The following CLNK variants were observed in gnomAD, a reference collection of about 807,000 sequenced individuals.
CLNK encodes cytokine-dependent hematopoietic cell linker.
CLNK carries 74 observed loss-of-function variants against 68.6 expected under a neutral mutation model. The ratio of observed to expected loss-of-function variants is 1.08; its 90% CI spans 0.89 to 1.31. The LOEUF (loss-of-function observed/expected upper bound fraction) is 1.31. Ranked by LOEUF, CLNK falls within the 50% of genes most tolerant of loss-of-function variation. The pLI, the probability that CLNK is intolerant of heterozygous loss-of-function variation, is 0.00. For synonymous variants in CLNK, 198 were observed against 172.2 expected, an observed-to-expected ratio of 1.15 and a Z score of -1.17; for missense variants, 553 against 515.3, an observed-to-expected ratio of 1.07 and a Z score of -0.71.
chr4:10,557,678 C>T (rs1719730949), intron 8 of CLNK, among the ~76,000 whole-genome samples: 1 of 152,212 alleles, frequency 6.6e-6, no homozygotes, highest in South Asian at 2.1e-4. Context: ...TTTGAGTGTG[C>T]TGTCTATTCC....
chr4:10,668,581 G>C (rs1184541881), intron 1 of CLNK, among the ~76,000 whole-genome samples: 1 of 152,148 alleles, frequency 6.6e-6, no homozygotes, highest in East Asian at 1.9e-4. Context: ...TTAATAAAGA[G>C]ACCATTTAAA....
At chr4:10,554,983 C>T (rs531186134) in intron 8 of CLNK, among the ~76,000 whole-genome samples, 1 of 152,364 alleles carries the variant, frequency 6.6e-6, no homozygotes, top group Admixed American at 6.5e-5. Context: ...GGTCTTGTGA[C>T]TACTTGCTGA....
chr4:10,585,872 A>G (rs146913051), intron 3 of CLNK, among the ~76,000 whole-genome samples: 151 of 152,330 alleles, frequency 9.9e-4, no homozygotes, highest in African/African-American at 3.4e-3. Context: ...CAAAGTATTG[A>G]TTATCTACCT....
In CLNK at chr4:10,566,065, G is replaced by C. The variant is rs758713018; in HGVS notation, c.236C>G (p.Thr79Arg). The part of the protein sequence containing the change: ...YDDPELRMEE[T>R]WQSIKILPAR... ...TGGTAAAATTTTAATCGACTGCCATGTCTCTTCCATCCGAAGCTCAGGGTC... is the reference window on the plus strand; with the variant it reads ...TGGTAAAATTTTAATCGACTGCCATCTCTCTTCCATCCGAAGCTCAGGGTC... Residue 79 changes from threonine (T) to arginine (R), a missense_variant, in exon 6 of 19, where the codon ACA becomes AGA. By Grantham distance (71) the Thr-to-Arg change is moderately conservative. Transcript: ENST00000226951. 1.2e-5 allele frequency: 19 copies of C among 1,613,752 alleles called. No individual in the cohort carries two copies. The highest frequency in any genetic ancestry group is 2.7e-5 in the African/African-American group (2 of 74,882).
At chr4:10,541,233 A>T (rs1473179005) in intron 10 of CLNK, among the ~76,000 whole-genome samples, 1 of 150,132 alleles carries the variant, frequency 6.7e-6, no homozygotes, top group Non-Finnish European at 1.5e-5. Context: ...AAAAAAAAAA[A>T]AACCCAATAA....
At chr4:10,725,918 C>G in the CLNK span, among the ~76,000 whole-genome samples, 6 of 152,068 alleles carry the variant, frequency 3.9e-5, no homozygotes, top group South Asian at 1.2e-3. Flanking sequence ...TATTGCAGAT[C>G]TGTTAGTTTG....
intron 11 of CLNK, among the ~76,000 whole-genome samples, chr4:10,536,409 G>A (rs142671832): frequency 6.6e-6 from 1 of 152,276 alleles, no homozygotes; most frequent in African/African-American, 2.4e-5. Flanking sequence ...CCACCCATGT[G>A]GGCCCTGCTA....
At chr4:10,700,575 ACT>A in the CLNK span, among the ~76,000 whole-genome samples, 3 of 152,188 alleles carry the variant, frequency 2.0e-5, no homozygotes, top group African/African-American at 7.2e-5. Flanking sequence ...AGATAAGGAA[ACT>A]CAACACATAG....
rs367765940 is a variant in CLNK, at chr4:10,605,862, G to T, written c.12-7813C>A. Among the ~76,000 whole-genome samples the T allele has an allele frequency of 2.1e-5, 3 of 146,206 alleles. No homozygotes were observed. The East Asian group carries it at 6.0e-4, about 29-fold the overall frequency. On this transcript the variant is annotated intron_variant, in intron 2 of 18. Transcript: ENST00000226951. ...AAAAAATAGAAAAAAGAAAAGAAAA[G>T]AAAAGGAAGTGGTATACCTGTATAA...
intron 14 of CLNK, 43 bp downstream of exon 14, chr4:10,525,798 A>AGAAAGGATT (rs1163268560): frequency 8.6e-7 from 1 of 1,159,244 alleles, no homozygotes; most frequent in Non-Finnish European, 1.3e-6. Flanking sequence ...ACATGGCCTG[A>AGAAAGGATT]CCCCTCAGCC....
rs368662555 is a variant in CLNK at position 10,680,792 on chromosome 4, T to C, written c.-43+3876A>G. ...GTTAAATAACTTGTCTAAAACCATATTGCTAGGAAGTAACTGATTTCAAAC... is the reference window on the plus strand; with the variant it reads ...GTTAAATAACTTGTCTAAAACCATACTGCTAGGAAGTAACTGATTTCAAAC... On this transcript the variant is annotated intron_variant, in intron 1 of 18. Coordinates refer to ENST00000226951, the MANE Select transcript of CLNK (RefSeq NM_052964.4). Among the ~76,000 whole-genome samples the C allele has an allele frequency of 6.6e-5, 10 of 152,108 alleles. No homozygotes were observed. The East Asian group carries it at 1.7e-3, about 26-fold the overall frequency.
At chr4:10,624,593 GTTTTTTTTTTTT>G (rs10559473) in intron 2 of CLNK, among the ~76,000 whole-genome samples, 3 of 122,864 alleles carry the variant, frequency 2.4e-5, no homozygotes, top group Admixed American at 8.6e-5. Flanking sequence ...CGCCCGGCCA[GTTTTTTTTTTTT>G]TTTTTTTTTT....
the CLNK span, among the ~76,000 whole-genome samples, chr4:10,732,727 CA>C: frequency 0.076 from 9,967 of 130,316 alleles, 720 homozygotes; most frequent in African/African-American, 0.21. Flanking sequence ...ACTCGAGGAC[CA>C]AAAAAAAAAA....
chr4:10,637,425 A>C (rs1723131844), intron 2 of CLNK, among the ~76,000 whole-genome samples: 1 of 142,920 alleles, frequency 7.0e-6, no homozygotes, highest in Non-Finnish European at 1.5e-5. Context: ...TGTGATAAGC[A>C]ACAATAAAAA....
At chr4:10,513,639 G>C in intron 15 of CLNK, 42 bp from the exon 16 acceptor site, 1 of 1,551,022 alleles carries the variant, frequency 6.4e-7, no homozygotes, top group South Asian at 1.2e-5. Context: ...TTTTGTGACT[G>C]GTGCAGTCTG....
intron 5 of CLNK, among the ~76,000 whole-genome samples, chr4:10,569,017 G>T (rs2108826042): frequency 6.6e-6 from 1 of 152,250 alleles, no homozygotes; most frequent in Non-Finnish European, 1.5e-5. Flanking sequence ...CACAGTAAAA[G>T]CAACTGCAAT....
At chr4:10,595,386 A>G (rs541560231) in intron 3 of CLNK, among the ~76,000 whole-genome samples, 73 of 152,326 alleles carry the variant, frequency 4.8e-4, no homozygotes, top group African/African-American at 1.7e-3. Context: ...TATAGACATG[A>G]GGAAACAGTA....
At chr4:10,586,787 A>G (rs925431774) in intron 3 of CLNK, among the ~76,000 whole-genome samples, 4 of 152,238 alleles carry the variant, frequency 2.6e-5, no homozygotes, top group Admixed American at 6.5e-5. Flanking sequence ...GTATCTCACC[A>G]CCATTAAATC....
chr4:10,614,897 A>C (rs1722168286), intron 2 of CLNK, among the ~76,000 whole-genome samples: 1 of 152,200 alleles, frequency 6.6e-6, no homozygotes, highest in South Asian at 2.1e-4. Flanking sequence ...AGAAGAGCAA[A>C]GAAGGGGCTG....
Sources: gnomAD v4.1 joint callset for allele counts (sites outside exome capture counted in the v4.1 genomes callset) on GRCh38, gnomAD v4.1.1 for gene constraint, MANE v1.5 for transcripts, NCBI Gene and HGNC (gene_info 2026-07-23, HGNC 2026-07-21) for gene names.